Variants in DOP1B observed in about 807,000 individuals in gnomAD.
DOP1B encodes the protein DOP1 leucine zipper like protein B.
Under a neutral mutation model 233.5 loss-of-function variants are expected in DOP1B, and 174 were observed. The observed-to-expected ratio is 0.75, with a 90% confidence interval of 0.66 to 0.85. The LOEUF (loss-of-function observed/expected upper bound fraction) is 0.85, where lower values mean the gene tolerates loss of function less well. Among genes scored for constraint, DOP1B ranks in the 40% least tolerant of loss-of-function variants. The pLI is 0.00. For missense variants in DOP1B, 2,652 were observed against 2,846.6 expected, an observed-to-expected ratio of 0.93 and a Z score of 1.56; for synonymous variants, 1,190 against 1,185.6, an observed-to-expected ratio of 1.00 and a Z score of -0.08.
chr21:36,174,911 C>G (rs2066006995), intron 2 of DOP1B, among the ~76,000 whole-genome samples: 1 of 152,176 alleles, frequency 6.6e-6, no homozygotes, highest in Non-Finnish European at 1.5e-5. Context: ...CTAGGGCTGC[C>G]ATAACAAAAT....
chr21:36,242,038 G>A (rs2066897738), intron 18 of DOP1B, among the ~76,000 whole-genome samples: 1 of 151,982 alleles, frequency 6.6e-6, no homozygotes, highest in Non-Finnish European at 1.5e-5. Flanking sequence ...TGAAAGAAGT[G>A]TAAACAAAGA....
rs780193377 is a variant in DOP1B at position 36,232,887 on chromosome 21, G to T, written c.2434G>T (p.Val812Leu). Residue 812 changes from valine to leucine, a missense_variant, in exon 15 of 37, where the codon GTG becomes TTG. Around this residue, in one of 3 missense-constraint regions of DOP1B, gnomAD observed 2,617 missense variants for 2,794.3 expected, o/e 0.94. Coordinates refer to ENST00000691173, the MANE Select transcript of DOP1B (RefSeq NM_001320714.2). ...TGTGACTGACTGCTACCTCCAGAACGTGGCCATTTCCACTCTGCTGGAAGT... is the reference window on the plus strand; with the variant it reads ...TGTGACTGACTGCTACCTCCAGAACTTGGCCATTTCCACTCTGCTGGAAGT... The part of the protein sequence containing the change: ...CCVTDCYLQN[V>L]AISTLLEVIN... 1.6e-5 allele frequency: 26 copies of T among 1,613,754 alleles called. No homozygotes were observed. Among genetic ancestry groups the T allele is most frequent in the Non-Finnish European group, 2.1e-5 (25 of 1,179,990 alleles).
intron 2 of DOP1B, 56 bp from the exon 3 acceptor site, chr21:36,199,014 C>G: frequency 1.3e-6 from 2 of 1,565,460 alleles, no homozygotes; most frequent in Non-Finnish European, 1.7e-6. Flanking sequence ...GATCCACTCT[C>G]CATTGTAAAT....
intron 2 of DOP1B, among the ~76,000 whole-genome samples, chr21:36,183,983 C>T (rs2066133457): frequency 6.6e-6 from 1 of 152,048 alleles, no homozygotes. Flanking sequence ...CCTGCCTCAG[C>T]TTCCCGAGTA....
Position 36,290,555 on chromosome 21 carries a change from T to G in DOP1B, c.6515+1349T>G, listed in dbSNP as rs185301439. Among the ~76,000 whole-genome samples the G allele has an allele frequency of 5.0e-3, 758 of 152,248 alleles. 8 individuals carry two copies. Among genetic ancestry groups the G allele is most frequent in the African/African-American group, 0.017 (708 of 41,556 alleles). On this transcript the variant is annotated intron_variant, in intron 35 of 36. Coordinates refer to ENST00000691173, the MANE Select transcript of DOP1B (RefSeq NM_001320714.2). ...GGCTCACACCTGTAATCCCAGCACT[T>G]TGGGAGGCCAAGGTGGTTGGATCAC...
intron 24 of DOP1B, among the ~76,000 whole-genome samples, chr21:36,262,960 C>T (rs904796936): frequency 1.3e-5 from 2 of 151,402 alleles, no homozygotes; most frequent in Non-Finnish European, 2.9e-5. Flanking sequence ...AAAGGCCGGG[C>T]GCAGTGGCTC....
intron 12 of DOP1B, among the ~76,000 whole-genome samples, chr21:36,227,057 A>C (rs2123533191): frequency 6.6e-6 from 1 of 150,628 alleles, no homozygotes; most frequent in East Asian, 2.0e-4. Context: ...AAATACAAAA[A>C]GTTAGCCGGG....
intron 2 of DOP1B, among the ~76,000 whole-genome samples, chr21:36,167,719 C>A (rs2065926196): frequency 6.6e-6 from 1 of 151,814 alleles, no homozygotes; most frequent in Non-Finnish European, 1.5e-5. Context: ...TCCCTCCCCC[C>A]AGCCCCGGTA....
intron 16 of DOP1B, 21 bp downstream of exon 16, chr21:36,237,435 C>G (rs774952356): frequency 8.7e-6 from 14 of 1,612,840 alleles, no homozygotes; most frequent in Non-Finnish European, 1.2e-5. Context: ...CTGGCCGCCA[C>G]CTCCATCCTG....
chr21:36,222,279 A>G (rs34487041), intron 10 of DOP1B, among the ~76,000 whole-genome samples: 77,609 of 151,816 alleles, frequency 0.51, 20,305 homozygotes, highest in South Asian at 0.67. Context: ...TTCCTGAGCC[A>G]TAGAAGATAA....
intron 1 of DOP1B, 59 bp from the exon 2 acceptor site, chr21:36,164,649 G>A: frequency 1.4e-6 from 2 of 1,382,804 alleles, no homozygotes; most frequent in Non-Finnish European, 1.9e-6. Flanking sequence ...CTCTGGGTTG[G>A]GAATGATTTG....
intron 4 of DOP1B, among the ~76,000 whole-genome samples, chr21:36,202,234 A>G (rs1369214755): frequency 6.6e-6 from 1 of 152,168 alleles, no homozygotes; most frequent in Non-Finnish European, 1.5e-5. Context: ...GAGTATACAC[A>G]GTGACCTTTG....
Position 36,214,181 on chromosome 21 carries a change from T to C in DOP1B, c.1005T>C (p.Leu335=). Residue 335 remains leucine, a synonymous_variant, in exon 8 of 37, where the codon CTT becomes CTC. Coordinates refer to ENST00000691173, the MANE Select transcript of DOP1B (RefSeq NM_001320714.2). ...SYFFEKYSKD[L]LVEGLAEILH... is the part of the protein sequence containing the mutation. Reference sequence around the variant, plus strand: ...TTTTTGAAAAATACTCCAAGGATCTTTTAGTTGAGGTAAAGGAGCATTTCC... The same window carrying C: ...TTTTTGAAAAATACTCCAAGGATCTCTTAGTTGAGGTAAAGGAGCATTTCC... 1 of 1,610,772 alleles carries C rather than the reference T, an allele frequency of 6.2e-7. No homozygotes were observed.
rs1569047169 is a variant in DOP1B at position 36,245,592 on chromosome 21, C to CCTCACCACATCCAGGCT, written c.3613_3629dup (p.Leu1211SerfsTer7). ...AGGAGGCGGACTTGGAGCTCCAGGC[C>CCTCACCACATCCAGGCT]CTCACCACATCCAGGCTGCTAAAGC... On this transcript the variant is annotated frameshift_variant, in exon 19 of 37. Coordinates refer to ENST00000691173, the MANE Select transcript of DOP1B (RefSeq NM_001320714.2). LOFTEE classifies it high-confidence loss of function. This position sits in a 1 kb window ranked among gnomAD's most constrained non-coding sequence, Gnocchi z 5.5. The CCTCACCACATCCAGGCT allele has an allele frequency of 6.2e-7, 1 of 1,613,402 alleles. No individual in the cohort carries two copies. Among genetic ancestry groups the CCTCACCACATCCAGGCT allele is most frequent in the Admixed American group, 1.7e-5 (1 of 60,008 alleles).
chr21:36,214,253 T>G (rs951277023), intron 8 of DOP1B, 63 bp downstream of exon 8: 1 of 1,454,576 alleles, frequency 6.9e-7, no homozygotes, highest in African/African-American at 1.4e-5. Flanking sequence ...TGGATTTCTT[T>G]GGGAGGCTTC....
intron 2 of DOP1B, among the ~76,000 whole-genome samples, chr21:36,194,592 T>C (rs1378543646): frequency 6.6e-6 from 1 of 151,498 alleles, no homozygotes; most frequent in Non-Finnish European, 1.5e-5. Flanking sequence ...GTTCCAGTGA[T>C]TCTCCTGCCT....
At chr21:36,235,767 C>A (rs937524025) in intron 15 of DOP1B, among the ~76,000 whole-genome samples, 2 of 150,214 alleles carry the variant, frequency 1.3e-5, no homozygotes, top group African/African-American at 4.9e-5. Flanking sequence ...GATTTGTGAT[C>A]GGCATCAACT....
chr21:36,163,587 C>T lies in DOP1B; in HGVS notation c.-26-1121C>T, dbSNP rs78460965. Among the ~76,000 whole-genome samples, 656 of 152,294 alleles carry T rather than the reference C, an allele frequency of 4.3e-3. 7 individuals carry two copies. Among genetic ancestry groups the T allele is most frequent in the African/African-American group, 0.015 (630 of 41,564 alleles). ...TTGTTTAGCAATCTACCCAGCTAAC[C>T]GCGTTCACTCACGTTTAACTATATA... On this transcript the variant is annotated intron_variant, in intron 1 of 36. Transcript: ENST00000691173.
Position 36,214,282 on chromosome 21 carries a change from G to A in DOP1B, c.1014+92G>A, listed in dbSNP as rs75643727. On this transcript the variant is annotated intron_variant, in intron 8 of 36. Coordinates refer to ENST00000691173, the MANE Select transcript of DOP1B (RefSeq NM_001320714.2). ...AGGCTTCCACATAGGCAGTGAGCACGTTCCTTGGCCCCTGGTTTGGGGAAC... is the reference window on the plus strand; with the variant it reads ...AGGCTTCCACATAGGCAGTGAGCACATTCCTTGGCCCCTGGTTTGGGGAAC... The A allele has an allele frequency of 3.8e-3, 4,947 of 1,289,266 alleles. 174 individuals carry two copies. In the African/African-American group the frequency reaches 0.065, roughly 17 times the overall value. 79.9% of individuals were successfully genotyped at this position (1,289,266 alleles called of 1,614,324 possible).
Sources: allele counts gnomAD v4.1 joint callset (sites outside exome capture counted in the v4.1 genomes callset), GRCh38; gene constraint gnomAD v4.1.1; regional missense constraint gnomAD v4.1.1; non-coding constraint Gnocchi (gnomAD v3.1); transcripts MANE v1.5; gene names NCBI Gene and HGNC (gene_info 2026-07-23, HGNC 2026-07-21).